TPR: variants seen among roughly 807,000 people sequenced by gnomAD.
TPR encodes nucleoprotein TPR.
In TPR, 51 loss-of-function variants were observed where a neutral mutation model predicts 316.1. The observed-to-expected ratio is 0.16, with a 90% CI of 0.13 to 0.20. TPR has a LOEUF of 0.20. TPR is among the 10% of genes least tolerant of loss of function. The pLI is 1.00. For synonymous variants in TPR, 981 were observed against 914.7 expected (o/e 1.07, Z -1.31); for missense variants, 2,272 against 2,754.8 (o/e 0.82, Z 3.92).
At chr1:186,360,468 T>C in intron 10 of TPR, 104 bp from the exon 11 acceptor site, 3 of 1,201,856 alleles carry the variant, frequency 2.5e-6, no homozygotes, top group East Asian at 2.6e-5. Context: ...TATATAGTAA[T>C]TCCTATAAAA....
At chr1:186,352,871 C>G (rs1274473879) in intron 18 of TPR, among the ~76,000 whole-genome samples, 1 of 152,116 alleles carries the variant, frequency 6.6e-6, no homozygotes, top group East Asian at 1.9e-4. Flanking sequence ...GACAACTATA[C>G]CTAGCTTACA....
At position 186,323,762 on chromosome 1, in the gene TPR, G is replaced by C; in HGVS notation, c.6221C>G (p.Pro2074Arg). The C allele has an allele frequency of 1.3e-6, 2 of 1,540,296 alleles. No individual in the cohort carries two copies. The highest frequency in any genetic ancestry group is 1.3e-5 in the South Asian group (1 of 78,786). ...ERQAPRAPQS[P>R]RRPPHPLPPR... The stretch of plus-strand genomic sequence containing the variant: ...GGGAAGTGGATGTGGTGGGCGTCTC[G>C]GTGACTGAGGTGCTCGAGGGGCCTG... Residue 2074 changes from proline (P) to arginine (R), a missense_variant, in exon 43 of 51, where the codon CCG becomes CGG. Physicochemically the swap from Pro to Arg is moderately radical, Grantham distance 103 (BLOSUM62 -2). This residue lies in a region of TPR where 435 missense variants were observed against 461.1 expected (regional missense o/e 0.94). Transcript: ENST00000367478.
chr1:186,356,339 T>C lies in TPR; in HGVS notation c.1835A>G (p.Asp612Gly), dbSNP rs770145074. ...TTGTGACAATAAAATACGGTACATA[T>C]CACGCTGACGAACTATGGAATCAAC... ...QLVDSIVRQR[D>G]MYRILLSQTT... The change falls in exon 15 of 51, where the codon GAT (aspartate) becomes GGT (glycine). Residue 612 changes from aspartate to glycine, a missense_variant. Physicochemically the swap from Asp to Gly is moderately conservative, Grantham distance 94. Transcript: ENST00000367478. 1.2e-6 allele frequency: 2 copies of C among 1,613,714 alleles called. No homozygotes were observed. Among genetic ancestry groups the C allele is most frequent in the Non-Finnish European group, 1.7e-6 (2 of 1,179,764 alleles).
chr1:186,322,858 T>C (rs1411594681), intron 43 of TPR, among the ~76,000 whole-genome samples: 1 of 152,234 alleles, frequency 6.6e-6, no homozygotes, highest in Admixed American at 6.5e-5. Flanking sequence ...GATACCATCT[T>C]GTATGTAAAC....
At chr1:186,351,872 C>CA in intron 19 of TPR, 104 bp downstream of exon 19, 1 of 1,332,372 alleles carries the variant, frequency 7.5e-7, no homozygotes, top group Non-Finnish European at 1.0e-6. Flanking sequence ...TAATGGATGA[C>CA]AAAAGTGATG....
chr1:186,362,414 G>A (rs747869606), intron 6 of TPR, 34 bp from the exon 7 acceptor site: 3 of 1,531,342 alleles, frequency 2.0e-6, no homozygotes, highest in East Asian at 2.3e-5. Context: ...GGGAAAGGAT[G>A]TCATATTAAC....
At chr1:186,349,317 A>G (rs1479574802) in intron 21 of TPR, among the ~76,000 whole-genome samples, 1 of 152,208 alleles carries the variant, frequency 6.6e-6, no homozygotes, top group Non-Finnish European at 1.5e-5. Flanking sequence ...TGTAAATCAG[A>G]AAGTCTGCAT....
At chr1:186,364,142 T>C (rs922535187) in intron 4 of TPR, among the ~76,000 whole-genome samples, 1 of 152,166 alleles carries the variant, frequency 6.6e-6, no homozygotes, top group South Asian at 2.1e-4. Context: ...ACTTGAAATC[T>C]TTTGAAGTTT....
At chr1:186,318,267 G>A (rs1657666644) in intron 48 of TPR, among the ~76,000 whole-genome samples, 180 bp downstream of exon 48, 1 of 151,706 alleles carries the variant, frequency 6.6e-6, no homozygotes, top group East Asian at 1.9e-4. Context: ...GGCGGAGGCT[G>A]CACTGAGCCG....
chr1:186,339,458 T>C (rs1444223944), intron 30 of TPR, among the ~76,000 whole-genome samples, 184 bp downstream of exon 30: 1 of 152,148 alleles, frequency 6.6e-6, no homozygotes, highest in South Asian at 2.1e-4. Context: ...CATATATATT[T>C]TATATACAAA....
rs1364163997 is a variant in TPR, at chr1:186,335,457, G to A, written c.4792C>T (p.Arg1598Cys). The A allele has an allele frequency of 1.2e-5, 19 of 1,613,512 alleles. No individual in the cohort carries two copies. Among genetic ancestry groups the A allele is most frequent in the East Asian group, 4.5e-5 (2 of 44,876 alleles). The change falls in exon 34 of 51, where the codon CGC becomes TGC. Residue 1598 changes from arginine (R) to cysteine (C), a missense_variant. Around this residue, in one of 10 missense-constraint regions of TPR, gnomAD observed 109 missense variants for 215.3 expected, o/e 0.51. Coordinates refer to ENST00000367478, the MANE Select transcript of TPR (RefSeq NM_003292.3). ...LDQQKDELDVRITALKSQYEG... is the reference protein window; with the variant it reads ...LDQQKDELDVCITALKSQYEG... ...TATTGGGACTTTAGCGCAGTAATGCGAACATCCAATTCATCTTTCTGCTGA... is the reference window on the plus strand; with the variant it reads ...TATTGGGACTTTAGCGCAGTAATGCAAACATCCAATTCATCTTTCTGCTGA...
In TPR at chr1:186,337,036, T is replaced by C. The variant is rs769505010; in HGVS notation, c.4483A>G (p.Ser1495Gly). The C allele has an allele frequency of 3.1e-6, 5 of 1,613,896 alleles. No individual in the cohort carries two copies. Among genetic ancestry groups the C allele is most frequent in the Middle Eastern group, 1.7e-4 (1 of 6,060 alleles). ...QAETKSKSLE[S>G]QVENLQKTLS... is the part of the protein sequence containing the mutation. The stretch of plus-strand genomic sequence containing the variant: ...ACCTTCTGCAGATTCTCTACTTGAC[T>C]TTCAAGTGATTTTGATTTTGTTTCA... The change falls in exon 32 of 51, where the codon AGT (serine) becomes GGT (glycine). Residue 1495 changes from serine to glycine, a missense_variant. Physicochemically the swap from Ser to Gly is moderately conservative, Grantham distance 56. Transcript: ENST00000367478.
intron 22 of TPR, 140 bp downstream of exon 22, chr1:186,347,152 A>T: frequency 3.6e-6 from 3 of 833,808 alleles, no homozygotes; most frequent in Non-Finnish European, 3.6e-6. Flanking sequence ...GGCTTATGAG[A>T]CTCAAGTACT....
intron 2 of TPR, among the ~76,000 whole-genome samples, chr1:186,371,261 T>C (rs1322317521): frequency 6.6e-6 from 1 of 152,156 alleles, no homozygotes; most frequent in Non-Finnish European, 1.5e-5. Flanking sequence ...AAATCAAATG[T>C]ATAATAATCC....
chr1:186,318,526 T>A lies in TPR; in HGVS notation c.6742A>T (p.Thr2248Ser), dbSNP rs765416412. ...TCATTTGTTGTAGATAAAGTGCCAG[T>A]GGATGTAGTCACCATTGGAACAGAT... is the stretch of plus-strand genomic sequence containing the variant. ...SQSVPMVTTSTGTLSTTNETA... is the reference protein window; with the variant it reads ...SQSVPMVTTSSGTLSTTNETA... The change falls in exon 48 of 51, where the codon ACT (threonine) becomes TCT (serine). Residue 2248 changes from threonine to serine, a missense_variant. Thr to Ser is a moderately conservative substitution (Grantham distance 58, BLOSUM62 1). This residue lies in a region of TPR where 123 missense variants were observed against 142.3 expected (regional missense o/e 0.86). Coordinates refer to ENST00000367478, the MANE Select transcript of TPR (RefSeq NM_003292.3). The A allele has an allele frequency of 1.2e-6, 2 of 1,614,190 alleles. No homozygotes were observed. The highest frequency in any genetic ancestry group is 1.7e-6 in the Non-Finnish European group (2 of 1,180,034).
At chr1:186,356,571 AT>A (rs1057026161) in intron 14 of TPR, 122 bp from the exon 15 acceptor site, 124 of 922,714 alleles carry the variant, frequency 1.3e-4, no homozygotes, top group South Asian at 2.2e-4. Context: ...CTCTCTCATT[AT>A]TTTTTTTCAT....
In TPR at chr1:186,375,157, C is replaced by T. The variant is rs1558048629; in HGVS notation, c.-129G>A. The T allele has an allele frequency of 3.2e-6, 5 of 1,544,402 alleles. No individual in the cohort carries two copies. Among genetic ancestry groups the T allele is most frequent in the Non-Finnish European group, 4.4e-6 (5 of 1,144,500 alleles). The stretch of plus-strand genomic sequence containing the variant: ...ACCTCGCTCGGTGGCTCGCGCGCGC[C>T]CGCCCGCCGGAGACTCCCGCGGCGG... On this transcript the variant is annotated 5_prime_UTR_variant, in exon 1 of 51. Transcript: ENST00000367478.
At chr1:186,370,237 GT>G (rs1659480045) in intron 3 of TPR, among the ~76,000 whole-genome samples, 1 of 151,944 alleles carries the variant, frequency 6.6e-6, no homozygotes, top group Admixed American at 6.5e-5. Context: ...ACATTAACAA[GT>G]TTCTGGCTAT....
At position 186,312,046 on chromosome 1, in the gene TPR, A is replaced by C. The variant is rs1020080710; in HGVS notation, c.*1925T>G. 3 of 710,048 alleles carry C rather than the reference A, an allele frequency of 4.2e-6. No individual in the cohort carries two copies. Among genetic ancestry groups the C allele is most frequent in the Non-Finnish European group, 7.1e-6 (3 of 423,926 alleles). 44.0% of individuals were successfully genotyped at this position (710,048 alleles called of 1,614,324 possible). On this transcript the variant is annotated 3_prime_UTR_variant, in exon 51 of 51. Coordinates refer to ENST00000367478, the MANE Select transcript of TPR (RefSeq NM_003292.3). ...ATACCCTTGACTAATAGCCATTATT[A>C]ATATCAATATATTATATGAAAAATG...
Sources: allele counts gnomAD v4.1 joint callset (sites outside exome capture counted in the v4.1 genomes callset), GRCh38; gene constraint gnomAD v4.1.1; regional missense constraint gnomAD v4.1.1; transcripts MANE v1.5; gene names NCBI Gene and HGNC (gene_info 2026-07-23, HGNC 2026-07-21).